The following LRP1B variants were observed in gnomAD, a reference collection of about 807,000 sequenced individuals.
The protein encoded by LRP1B is LDL receptor related protein 1B, also known as low-density lipoprotein receptor-related protein 1B.
A neutral mutation model predicts 556.6 loss-of-function variants in LRP1B; 217 were observed. The observed-to-expected ratio is 0.39, with a 90% CI of 0.35 to 0.44. The LOEUF is 0.44. LRP1B is among the 20% of genes least tolerant of loss of function. The pLI is 1.00. For missense variants in LRP1B, 5,053 were observed against 5,620.8 expected (o/e 0.90, Z 3.23); for synonymous variants, 2,047 against 1,865.8 (o/e 1.10, Z -2.50).
chr2:141,590,327 C>A (rs1282870447), intron 2 of LRP1B, among the ~76,000 whole-genome samples: 1 of 152,118 alleles, frequency 6.6e-6, no homozygotes, highest in Non-Finnish European at 1.5e-5. Context: ...AGATTACCAC[C>A]CTTTTAATAC....
chr2:141,206,027 G>A (rs762073419), intron 6 of LRP1B, among the ~76,000 whole-genome samples: 10 of 152,014 alleles, frequency 6.6e-5, no homozygotes, highest in Non-Finnish European at 1.3e-4. Context: ...GAGAAAATAT[G>A]GGAGTCTTTT....
chr2:141,109,188 A>G (rs10439181), intron 7 of LRP1B, among the ~76,000 whole-genome samples: 54,909 of 152,024 alleles, frequency 0.36, 10,429 homozygotes, highest in East Asian at 0.66. Context: ...TCCCCAACAA[A>G]TCAGCAGCAC....
chr2:141,446,037 T>G (rs1263759026), intron 3 of LRP1B, among the ~76,000 whole-genome samples: 2 of 152,198 alleles, frequency 1.3e-5, no homozygotes, highest in Admixed American at 1.3e-4. Flanking sequence ...CTCCCATTAT[T>G]ATTGTGTGGG....
intron 2 of LRP1B, among the ~76,000 whole-genome samples, chr2:141,759,632 G>A (rs554137371): frequency 2.6e-5 from 4 of 152,260 alleles, no homozygotes; most frequent in South Asian, 4.1e-4. Context: ...ACCAGTCTTA[G>A]ACGTACCATG....
rs7557403 is a variant in LRP1B at position 140,543,929 on chromosome 2, C to G, written c.7195-1958G>C. 3.6e-3 allele frequency among the ~76,000 whole-genome samples: 539 copies of G among 151,830 alleles called. 4 individuals carry two copies. The highest frequency in any genetic ancestry group is 0.013 in the African/African-American group (527 of 41,442). ...ATAGGAAATAACTATTTACAATAGC[C>G]TCTACAAATATAAAATATTTAAATA... On this transcript the variant is annotated intron_variant, in intron 43 of 90. Coordinates refer to ENST00000389484, the MANE Select transcript of LRP1B (RefSeq NM_018557.3).
rs558277955 is a variant in LRP1B, at chr2:141,400,208, G to A, written c.343+80188C>T. Among the ~76,000 whole-genome samples, 40 of 152,124 alleles carry A rather than the reference G, an allele frequency of 2.6e-4. 1 individual carries two copies. The South Asian group carries it at 8.3e-3, about 32-fold the overall frequency. ...TCATCAAGCTGGTCTCAAATTCCTG[G>A]GCTGAAGCAATCCTTCTGCCTCAGC... On this transcript the variant is annotated intron_variant, in intron 3 of 90. Transcript: ENST00000389484.
At chr2:141,257,226 G>A (rs958354938) in intron 3 of LRP1B, among the ~76,000 whole-genome samples, 3 of 152,070 alleles carry the variant, frequency 2.0e-5, no homozygotes, top group Non-Finnish European at 4.4e-5. Context: ...ATTAGGGGTT[G>A]GAACAGAAAG....
intron 18 of LRP1B, among the ~76,000 whole-genome samples, chr2:140,966,873 G>C (rs929722351): frequency 6.6e-6 from 1 of 152,102 alleles, no homozygotes; most frequent in Non-Finnish European, 1.5e-5. Context: ...TATTATTTCT[G>C]AGGGCTTTGT....
chr2:140,928,739 TA>T (rs1379302762), intron 20 of LRP1B, among the ~76,000 whole-genome samples: 1 of 151,962 alleles, frequency 6.6e-6, no homozygotes, highest in East Asian at 1.9e-4. Context: ...GGAAAAATAT[TA>T]AAAAGGGTGA....
chr2:141,940,561 G>A (rs980187737), intron 1 of LRP1B, among the ~76,000 whole-genome samples: 5 of 152,102 alleles, frequency 3.3e-5, no homozygotes, highest in Non-Finnish European at 7.4e-5. Flanking sequence ...AAAGAGCTAC[G>A]GGTAAATGTT....
intron 3 of LRP1B, among the ~76,000 whole-genome samples, chr2:141,271,425 A>T (rs1685085619): frequency 6.6e-6 from 1 of 151,844 alleles, no homozygotes; most frequent in African/African-American, 2.4e-5. Context: ...ATAAACACAA[A>T]GGCATTCACA....
Position 140,232,503 on chromosome 2 carries a change from G to C in LRP1B, c.*683C>G, listed in dbSNP as rs1392654233. 1 of 151,714 alleles carries C rather than the reference G, an allele frequency of 6.6e-6. No individual in the cohort carries two copies. Among genetic ancestry groups the C allele is most frequent in the African/African-American group, 2.4e-5 (1 of 41,306 alleles). The allele number at this position is 151,714 out of a possible 1,614,324, so 9.4% of individuals were successfully genotyped here. ...GTTCTACCACCTAAATATAACTATTGCTTACAAGGTGTATACATTTAGTAC... is the reference window on the plus strand; with the variant it reads ...GTTCTACCACCTAAATATAACTATTCCTTACAAGGTGTATACATTTAGTAC... On this transcript the variant is annotated 3_prime_UTR_variant, in exon 91 of 91. Coordinates refer to ENST00000389484, the MANE Select transcript of LRP1B (RefSeq NM_018557.3).
At chr2:140,677,453 A>G (rs1401279240) in intron 41 of LRP1B, among the ~76,000 whole-genome samples, 1 of 152,198 alleles carries the variant, frequency 6.6e-6, no homozygotes, top group Non-Finnish European at 1.5e-5. Context: ...CTTACTGAAC[A>G]GAGAGAGAGA....
chr2:140,645,695 C>T lies in LRP1B; in HGVS notation c.6800-44056G>A, dbSNP rs928418088. 4.0e-5 allele frequency among the ~76,000 whole-genome samples: 6 copies of T among 151,748 alleles called. 1 individual carries two copies. The South Asian group carries it at 1.3e-3, about 32-fold the overall frequency. On this transcript the variant is annotated intron_variant, in intron 41 of 90. Transcript: ENST00000389484. The stretch of plus-strand genomic sequence containing the variant: ...GCTGGGACTACAGGCACTGCCACGA[C>T]GCCCGGCTAATTTTTTGTATTTTTA...
intron 1 of LRP1B, among the ~76,000 whole-genome samples, chr2:142,037,561 A>G (rs895936): frequency 0.83 from 125,387 of 151,474 alleles, 53,116 homozygotes; most frequent in East Asian, 1. Context: ...CAATCTGGAA[A>G]TAGCAGGATC....
chr2:140,884,066 T>C (rs1573840671), intron 24 of LRP1B, 45 bp from the exon 25 acceptor site: 2 of 1,566,414 alleles, frequency 1.3e-6, no homozygotes, highest in Non-Finnish European at 1.8e-6. Flanking sequence ...TCAAGGATTG[T>C]GTTAAGCACA....
At chr2:140,543,778 T>C (rs1375623894) in intron 43 of LRP1B, among the ~76,000 whole-genome samples, 1 of 151,996 alleles carries the variant, frequency 6.6e-6, no homozygotes, top group Non-Finnish European at 1.5e-5. Flanking sequence ...AAAAAACATT[T>C]AACAGAATCT....
chr2:141,073,867 C>A (rs1028449089), intron 7 of LRP1B, among the ~76,000 whole-genome samples: 2 of 152,064 alleles, frequency 1.3e-5, no homozygotes, highest in African/African-American at 4.8e-5. Context: ...TTATCTCTTT[C>A]TCTGCTCCTC....
Position 141,895,612 on chromosome 2 carries a change from A to T in LRP1B, c.83-85211T>A, listed in dbSNP as rs544563128. Among the ~76,000 whole-genome samples, 28 of 152,310 alleles carry T rather than the reference A, an allele frequency of 1.8e-4. 1 individual carries two copies. The South Asian group carries it at 5.8e-3, about 32-fold the overall frequency. On this transcript the variant is annotated intron_variant, in intron 1 of 90. Coordinates refer to ENST00000389484, the MANE Select transcript of LRP1B (RefSeq NM_018557.3). Reference sequence around the variant, plus strand: ...AAGGGCTCACCATTTTTTTCCACCCATGAGACTTGGTTATTTTACTTTGAG... The same window carrying T: ...AAGGGCTCACCATTTTTTTCCACCCTTGAGACTTGGTTATTTTACTTTGAG...
Sources: gnomAD v4.1 joint callset for allele counts (sites outside exome capture counted in the v4.1 genomes callset) on GRCh38, gnomAD v4.1.1 for gene constraint, MANE v1.5 for transcripts, NCBI Gene and HGNC (gene_info 2026-07-23, HGNC 2026-07-21) for gene names.